Variants in SPPL3 observed in about 807,000 individuals in gnomAD.
SPPL3 encodes signal peptide peptidase like 3, also known as signal peptide peptidase-like 3.
SPPL3 carries 5 observed loss-of-function variants against 42.4 expected under a neutral mutation model. The observed-to-expected ratio is 0.12, with a 90% CI of 0.06 to 0.25. SPPL3 has a LOEUF of 0.25. Ranked by LOEUF, SPPL3 falls within the 10% of genes least tolerant of loss-of-function variation. The probability of loss-of-function intolerance (pLI) is 1.00; values close to 1 mark genes in which losing one functional copy is unlikely to be tolerated. For missense variants in SPPL3, 235 were observed against 489.0 expected (o/e 0.48, Z 4.90); for synonymous variants, 195 against 181.8 (o/e 1.07, Z -0.58).
chr12:120,768,211 G>C, intron 8 of SPPL3, 114 bp downstream of exon 8: 2 of 1,308,352 alleles, frequency 1.5e-6, no homozygotes, highest in East Asian at 4.7e-5. Context: ...CTGCAGCATG[G>C]AGATAATGGC....
chr12:120,804,539 T>C (rs1566046602), intron 2 of SPPL3, among the ~76,000 whole-genome samples: 2 of 152,112 alleles, frequency 1.3e-5, no homozygotes, highest in Non-Finnish European at 2.9e-5. Context: ...TATAATGAGA[T>C]ACCACTTCAT....
intron 2 of SPPL3, chr12:120,791,797 A>C (rs1869925678): frequency 2.3e-6 from 1 of 434,424 alleles, no homozygotes; most frequent in African/African-American, 2.1e-5. Flanking sequence ...TTCCACTCCT[A>C]TCTCTGAGCA....
intron 1 of SPPL3, among the ~76,000 whole-genome samples, chr12:120,850,156 G>C (rs1872175332): frequency 6.6e-6 from 1 of 152,116 alleles, no homozygotes; most frequent in Non-Finnish European, 1.5e-5. Flanking sequence ...ATGGATGGTT[G>C]GTAAAAGGTA....
At chr12:120,768,548 C>T in intron 7 of SPPL3, 60 bp from the exon 8 acceptor site, 3 of 1,541,146 alleles carry the variant, frequency 1.9e-6, no homozygotes, top group Non-Finnish European at 2.7e-6. Flanking sequence ...CTTTCAGCAT[C>T]AGCCCTCCTT....
chr12:120,802,486 G>A (rs907016396), intron 2 of SPPL3, among the ~76,000 whole-genome samples: 20 of 147,720 alleles, frequency 1.4e-4, no homozygotes, highest in Non-Finnish European at 2.7e-4. Context: ...CCAGGCTGGA[G>A]TGCAGTGGCG....
At chr12:120,766,562 C>G (rs1307593104) in intron 9 of SPPL3, among the ~76,000 whole-genome samples, 190 bp from the exon 10 acceptor site, 1 of 152,208 alleles carries the variant, frequency 6.6e-6, no homozygotes, top group Non-Finnish European at 1.5e-5. Context: ...CCTACAACTC[C>G]AAGGACACAT....
chr12:120,860,199 G>A (rs1467079748), intron 1 of SPPL3, among the ~76,000 whole-genome samples: 3 of 152,124 alleles, frequency 2.0e-5, no homozygotes, highest in Non-Finnish European at 4.4e-5. Context: ...GCAAGACCCT[G>A]CCTCAAAAAT....
intron 1 of SPPL3, among the ~76,000 whole-genome samples, chr12:120,821,905 TATTC>T (rs1222856294): frequency 6.6e-5 from 10 of 152,196 alleles, no homozygotes; most frequent in Admixed American, 6.6e-4. Flanking sequence ...AATCAAATAT[TATTC>T]ATCCTTAAAA....
At chr12:120,793,553 T>G (rs1869993143) in intron 2 of SPPL3, among the ~76,000 whole-genome samples, 1 of 152,174 alleles carries the variant, frequency 6.6e-6, no homozygotes, top group Non-Finnish European at 1.5e-5. Flanking sequence ...AAAAGTCAGA[T>G]AACTAAGTGT....
chr12:120,778,002 T>C (rs553775950), intron 6 of SPPL3, among the ~76,000 whole-genome samples: 4 of 151,862 alleles, frequency 2.6e-5, no homozygotes, highest in African/African-American at 7.3e-5. Flanking sequence ...GCTTGGTATA[T>C]GGTAGACACT....
chr12:120,902,901 AAAT>A (rs1423697050), intron 1 of SPPL3, among the ~76,000 whole-genome samples: 1 of 152,098 alleles, frequency 6.6e-6, no homozygotes, highest in East Asian at 1.9e-4. Flanking sequence ...CCCGTCCTGC[AAAT>A]ATCCCACCTC....
intron 1 of SPPL3, among the ~76,000 whole-genome samples, chr12:120,823,516 C>T (rs1360511923): frequency 6.6e-6 from 1 of 152,120 alleles, no homozygotes; most frequent in East Asian, 1.9e-4. Context: ...CAATTTTATC[C>T]CAGCTCCCAC....
intron 1 of SPPL3, among the ~76,000 whole-genome samples, chr12:120,852,757 T>A: frequency 1.4e-5 from 1 of 69,970 alleles, no homozygotes; most frequent in Admixed American, 2.0e-4. Flanking sequence ...TCATATATTA[T>A]ATCTATGTAT....
intron 1 of SPPL3, among the ~76,000 whole-genome samples, chr12:120,861,206 C>A (rs1053410252): frequency 6.6e-6 from 1 of 152,180 alleles, no homozygotes; most frequent in East Asian, 1.9e-4. Context: ...ATCAACTCTG[C>A]CATTCTAGCA....
At chr12:120,822,543 C>T (rs75530091) in intron 1 of SPPL3, among the ~76,000 whole-genome samples, 4,372 of 152,212 alleles carry the variant, frequency 0.029, 217 homozygotes, top group African/African-American at 0.1. Context: ...CTAACCTCTC[C>T]TAGTGACAAA....
intron 1 of SPPL3, among the ~76,000 whole-genome samples, chr12:120,812,106 G>GAAA (rs11406013): frequency 3.1e-4 from 43 of 140,700 alleles, no homozygotes; most frequent in African/African-American, 8.9e-4. Context: ...CCATTTAGTG[G>GAAA]AAAAAAAAAA....
At chr12:120,833,668 A>AG (rs1566055427) in intron 1 of SPPL3, among the ~76,000 whole-genome samples, 1 of 23,608 alleles carries the variant, frequency 4.2e-5, no homozygotes, top group Non-Finnish European at 3.6e-4. Context: ...CCATCTCTCC[A>AG]AAAAAAAAAA....
At chr12:120,857,148 C>A (rs960194261) in intron 1 of SPPL3, among the ~76,000 whole-genome samples, 11 of 152,190 alleles carry the variant, frequency 7.2e-5, no homozygotes, top group African/African-American at 2.2e-4. Context: ...TGCTAGGATT[C>A]CCTCTTCCCC....
chr12:120,849,945 T>C (rs1450526348), intron 1 of SPPL3, among the ~76,000 whole-genome samples: 3 of 152,154 alleles, frequency 2.0e-5, no homozygotes, highest in Non-Finnish European at 4.4e-5. Context: ...AAAATAACCA[T>C]TCCTAACAGA....
Sources: allele counts gnomAD v4.1 joint callset (sites outside exome capture counted in the v4.1 genomes callset), GRCh38; gene constraint gnomAD v4.1.1; transcripts MANE v1.5; gene names NCBI Gene and HGNC (gene_info 2026-07-23, HGNC 2026-07-21).